Variants in BCAP29 observed in about 807,000 individuals in gnomAD.
The protein encoded by BCAP29 is B-cell receptor-associated protein 29.
A neutral mutation model predicts 31.8 loss-of-function variants in BCAP29; 34 were observed. The observed-to-expected ratio is 1.07, with a 90% CI of 0.81 to 1.42. BCAP29 has a LOEUF of 1.42. Among genes scored for constraint, BCAP29 ranks in the 40% most tolerant of loss-of-function variants. The pLI is 0.00. For missense variants in BCAP29, 314 were observed against 269.2 expected (o/e 1.17, Z -1.16); for synonymous variants, 104 against 91.3 (o/e 1.14, Z -0.79).
At position 107,593,944 on chromosome 7, in the gene BCAP29, T is replaced by C. The variant is rs548071017; in HGVS notation, c.194-11T>C. 3.4e-5 allele frequency: 54 copies of C among 1,584,952 alleles called. No homozygotes were observed. In the South Asian group the frequency reaches 6.1e-4, roughly 18 times the overall value. On this transcript the variant is annotated splice_polypyrimidine_tract_variant and intron_variant, in intron 3 of 7. Coordinates refer to ENST00000005259, the MANE Select transcript of BCAP29 (RefSeq NM_018844.4). ...AAGCCAAAAGTACTGTTTTCTTTTG[T>C]TCTGTAATAGATGCTGTGAGAGAAG...
Position 107,618,728 on chromosome 7 carries a change from G to GTT in BCAP29, c.*368_*369dup, listed in dbSNP as rs973855628. ...TTAATAGCCTTGAAAGCTTTGATAA[G>GTT]TTTTCAGTAATAATAACCTATTTAA... is the stretch of plus-strand genomic sequence containing the variant. On this transcript the variant is annotated 3_prime_UTR_variant, in exon 8 of 8. Transcript: ENST00000005259. 8.5e-5 allele frequency: 62 copies of GTT among 728,076 alleles called. 1 individual carries two copies. The African/African-American group carries it at 8.6e-4, about 10-fold the overall frequency. 45.1% of individuals were successfully genotyped at this position (728,076 alleles called of 1,614,324 possible).
At chr7:107,613,645 T>A in intron 7 of BCAP29, 1 of 1,608,678 alleles carries the variant, frequency 6.2e-7, no homozygotes, top group Non-Finnish European at 8.5e-7. Flanking sequence ...CTGACTTGCA[T>A]ACTTACAGCA....
downstream of BCAP29, chr7:107,622,570 G>A (rs1374076769): frequency 6.6e-6 from 1 of 152,302 alleles, no homozygotes; most frequent in African/African-American, 2.4e-5. Flanking sequence ...TTTCATCATA[G>A]CACTTACTAC....
At chr7:107,608,458 ATTTG>A (rs753945661) in intron 6 of BCAP29, among the ~76,000 whole-genome samples, 3,576 of 149,654 alleles carry the variant, frequency 0.024, 142 homozygotes, top group African/African-American at 0.081. Flanking sequence ...CATTTTGGAT[ATTTG>A]TTTGTTTGTT....
At position 107,619,275 on chromosome 7, in the gene BCAP29, G is replaced by A. The variant is rs570982610; in HGVS notation, c.*912G>A. The A allele has an allele frequency of 6.6e-6, 1 of 152,456 alleles. No individual in the cohort carries two copies. The highest frequency in any genetic ancestry group is 2.1e-4 in the South Asian group (1 of 4,820). The allele number at this position is 152,456 out of a possible 1,614,324, so 9.4% of individuals were successfully genotyped here. On this transcript the variant is annotated 3_prime_UTR_variant, in exon 8 of 8. Coordinates refer to ENST00000005259, the MANE Select transcript of BCAP29 (RefSeq NM_018844.4). ...CACACAGTCTTTCTACAATGTTTCT[G>A]TATTCTGAAAGCTAAATATTAAGTA...
chr7:107,584,099 G>T, intron 3 of BCAP29, 117 bp downstream of exon 3: 1 of 508,680 alleles, frequency 2.0e-6, no homozygotes, highest in Non-Finnish European at 3.4e-6. Context: ...TATATTGATA[G>T]TACATAGAGT....
At chr7:107,598,894 TACACACACACACACAC>T (rs59376183) in intron 5 of BCAP29, among the ~76,000 whole-genome samples, 94 of 139,050 alleles carry the variant, frequency 6.8e-4, no homozygotes, top group South Asian at 1.5e-3. Context: ...CAATACAGTA[TACACACACACACACAC>T]ACACACACAC....
At chr7:107,591,455 G>T (rs898798358) in intron 3 of BCAP29, among the ~76,000 whole-genome samples, 1 of 152,086 alleles carries the variant, frequency 6.6e-6, no homozygotes, top group Non-Finnish European at 1.5e-5. Flanking sequence ...AATTTTGACC[G>T]CAGGTTGCCT....
At chr7:107,580,071 G>A (rs939441953), upstream of BCAP29, 1 of 152,324 alleles carries the variant, frequency 6.6e-6, no homozygotes, top group Non-Finnish European at 1.5e-5. Context: ...CAAGCATCAG[G>A]TCAAAAGTCT....
In BCAP29 at chr7:107,604,751, T is replaced by C. The variant is rs555848043; in HGVS notation, c.589+4246T>C. Among the ~76,000 whole-genome samples the C allele has an allele frequency of 4.6e-5, 7 of 150,542 alleles. No homozygotes were observed. The South Asian group carries it at 1.2e-3, about 27-fold the overall frequency. On this transcript the variant is annotated intron_variant, in intron 6 of 7. Coordinates refer to ENST00000005259, the MANE Select transcript of BCAP29 (RefSeq NM_018844.4). ...TGATTTAAATAAGAAAAAAACATAT[T>C]ATTTGTTTTCATGTCTGGAAGTTTC...
At chr7:107,614,870 C>T (rs1305170351) in intron 7 of BCAP29, among the ~76,000 whole-genome samples, 1 of 152,208 alleles carries the variant, frequency 6.6e-6, no homozygotes, top group African/African-American at 2.4e-5. Flanking sequence ...AAATTGCTGA[C>T]CTCATTGGGG....
intron 2 of BCAP29, among the ~76,000 whole-genome samples, chr7:107,581,090 A>C (rs78348224): frequency 0.045 from 6,809 of 152,274 alleles, 500 homozygotes; most frequent in African/African-American, 0.15. Flanking sequence ...AGGCGCCTAT[A>C]CTTTTGATTC....
rs141695785 is a variant in BCAP29 at position 107,595,080 on chromosome 7, G to A, written c.345-787G>A. ...TTCCCATTTTAGGGTCTTTACACAA[G>A]CTCTTCCTTTTGCCAGAACACTCTT... On this transcript the variant is annotated intron_variant, in intron 4 of 7. Transcript: ENST00000005259. Among the ~76,000 whole-genome samples, 8 of 152,188 alleles carry A rather than the reference G, an allele frequency of 5.3e-5. No homozygotes were observed. In the East Asian group the frequency reaches 1.5e-3, roughly 29 times the overall value.
rs1554477199 is a variant in BCAP29 at position 107,599,270 on chromosome 7, A to ATAATT, written c.481-1126_481-1125insAATTT. 6.8e-3 allele frequency among the ~76,000 whole-genome samples: 821 copies of ATAATT among 121,308 alleles called. 78 individuals carry two copies. Among genetic ancestry groups the ATAATT allele is most frequent in the African/African-American group, 0.027 (782 of 28,934 alleles). The allele number at this position is 121,308 out of a possible 152,430, so 79.6% of individuals were successfully genotyped here. On this transcript the variant is annotated intron_variant, in intron 5 of 7. Transcript: ENST00000005259. ...AAATATATATAATTTTTATATATATATTTATATATAATTTTTATATATAAA... is the reference window on the plus strand; with the variant it reads ...AAATATATATAATTTTTATATATATATAATTTTTATATATAATTTTTATATATAAA...
rs748134815 is a variant in BCAP29 at position 107,613,476 on chromosome 7, G to A, written c.690+44G>A. 9.1e-6 allele frequency: 13 copies of A among 1,434,646 alleles called. No individual in the cohort carries two copies. The Admixed American group carries it at 1.6e-4, about 18-fold the overall frequency. The allele number at this position is 1,434,646 out of a possible 1,614,324, so 88.9% of individuals were successfully genotyped here. Reference sequence around the variant, plus strand: ...TTATGCACCTAAATGTTTTGAAATAGTAATTACCTAAGTAAATTATTTGGG... The same window carrying A: ...TTATGCACCTAAATGTTTTGAAATAATAATTACCTAAGTAAATTATTTGGG... On this transcript the variant is annotated intron_variant, in intron 7 of 7. Coordinates refer to ENST00000005259, the MANE Select transcript of BCAP29 (RefSeq NM_018844.4).
chr7:107,618,833 A>G lies in BCAP29; in HGVS notation c.*470A>G, dbSNP rs1450425867. 3.0e-6 allele frequency: 1 copy of G among 329,238 alleles called. No homozygotes were observed. The highest frequency in any genetic ancestry group is 2.1e-5 in the African/African-American group (1 of 48,006). The allele number at this position is 329,238 out of a possible 1,614,324, so 20.4% of individuals were successfully genotyped here. A position where few individuals can be genotyped will look rare whatever the true frequency, so the allele number is the denominator to read the frequency against. ...GGAATGTAAATAAGGATAACTGATCAGAGTTATCCACTGTATTTATAAGGA... is the reference window on the plus strand; with the variant it reads ...GGAATGTAAATAAGGATAACTGATCGGAGTTATCCACTGTATTTATAAGGA... On this transcript the variant is annotated 3_prime_UTR_variant, in exon 8 of 8. Transcript: ENST00000005259.
At chr7:107,600,145 T>G (rs1810891437) in intron 5 of BCAP29, 1 of 470,938 alleles carries the variant, frequency 2.1e-6, no homozygotes, top group Non-Finnish European at 3.9e-6. Flanking sequence ...AATATTATTT[T>G]AATCACAGCA....
chr7:107,613,321 A>G lies in BCAP29; in HGVS notation c.590-11A>G. 3 of 1,569,172 alleles carry G rather than the reference A, an allele frequency of 1.9e-6. No homozygotes were observed. Among genetic ancestry groups the G allele is most frequent in the Non-Finnish European group, 2.6e-6 (3 of 1,148,342 alleles). On this transcript the variant is annotated splice_polypyrimidine_tract_variant and intron_variant, in intron 6 of 7. Transcript: ENST00000005259. ...TCTGAAATAAAAATAAAACTATTCG[A>G]TATTTTCTAGCCCTTTCTAAGGCAC...
intron 1 of BCAP29, chr7:107,580,522 G>A (rs1199990011): frequency 2.3e-6 from 1 of 434,300 alleles, no homozygotes; most frequent in Non-Finnish European, 4.0e-6. Flanking sequence ...CGCGAAGCTG[G>A]CGGAAAAGGC....
Sources: allele counts gnomAD v4.1 joint callset (sites outside exome capture counted in the v4.1 genomes callset), GRCh38; gene constraint gnomAD v4.1.1; transcripts MANE v1.5; gene names NCBI Gene and HGNC (gene_info 2026-07-23, HGNC 2026-07-21).